FSTL4: variants seen among roughly 807,000 people sequenced by gnomAD.
FSTL4 encodes follistatin-related protein 4.
FSTL4 carries 28 observed loss-of-function variants against 78.2 expected under a neutral mutation model. That is an observed-to-expected ratio of 0.36 (90% CI 0.27 to 0.49). The LOEUF is 0.49. FSTL4 is among the 20% of genes least tolerant of loss of function. The pLI is 0.98. For synonymous variants in FSTL4, 422 were observed against 440.5 expected, an observed-to-expected ratio of 0.96 and a Z score of 0.53; for missense variants, 922 against 1,084.9, an observed-to-expected ratio of 0.85 and a Z score of 2.11.
intron 3 of FSTL4, among the ~76,000 whole-genome samples, chr5:133,431,007 G>A (rs1287539929): frequency 6.6e-6 from 1 of 152,132 alleles, no homozygotes; most frequent in Non-Finnish European, 1.5e-5. Flanking sequence ...GACTTTTGAT[G>A]GAAAAAACAG....
chr5:133,638,706 T>C, the FSTL4 span, among the ~76,000 whole-genome samples: 1 of 152,212 alleles, frequency 6.6e-6, no homozygotes, highest in African/African-American at 2.4e-5. Context: ...CAGCATACTC[T>C]ATATTTTGCT....
chr5:133,205,383 T>TTG (rs1750464259), intron 14 of FSTL4, among the ~76,000 whole-genome samples: 1 of 60,136 alleles, frequency 1.7e-5, no homozygotes, highest in Non-Finnish European at 4.0e-5. Flanking sequence ...GTCTTTTTCT[T>TTG]TGCGTGTGTG....
intron 3 of FSTL4, among the ~76,000 whole-genome samples, chr5:133,533,214 G>A (rs570571221): frequency 5.3e-5 from 8 of 152,134 alleles, no homozygotes; most frequent in Non-Finnish European, 1.2e-4. Flanking sequence ...CCAGAAGTGA[G>A]ATAATAAGTT....
chr5:133,255,218 C>A (rs867017277), intron 6 of FSTL4, among the ~76,000 whole-genome samples: 10 of 152,324 alleles, frequency 6.6e-5, no homozygotes, highest in Admixed American at 2.6e-4. Context: ...TGTCTACACA[C>A]TGAGGCTGGT....
At chr5:133,249,133 C>T (rs1228337685) in intron 7 of FSTL4, among the ~76,000 whole-genome samples, 3 of 152,226 alleles carry the variant, frequency 2.0e-5, no homozygotes, top group Non-Finnish European at 4.4e-5. Flanking sequence ...ACCTCCAGGC[C>T]TTTGCTAATG....
At chr5:133,674,095 T>C in the FSTL4 span, among the ~76,000 whole-genome samples, 1 of 152,188 alleles carries the variant, frequency 6.6e-6, no homozygotes, top group Non-Finnish European at 1.5e-5. Context: ...GTTGGGGGCC[T>C]GCACGGGGGC....
At chr5:133,695,959 C>T in the FSTL4 span, among the ~76,000 whole-genome samples, 1 of 152,252 alleles carries the variant, frequency 6.6e-6, no homozygotes, top group Admixed American at 6.5e-5. Flanking sequence ...CCACCTCCCT[C>T]ATTCCTTCTG....
intron 2 of FSTL4, among the ~76,000 whole-genome samples, chr5:133,585,193 A>C (rs1760506952): frequency 1.4e-5 from 1 of 72,082 alleles, no homozygotes; most frequent in Non-Finnish European, 2.9e-5. Flanking sequence ...AAATGTAAAG[A>C]CCATCGAGAC....
intron 8 of FSTL4, among the ~76,000 whole-genome samples, chr5:133,230,013 G>A (rs1273375727): frequency 1.3e-5 from 2 of 152,184 alleles, no homozygotes; most frequent in Non-Finnish European, 2.9e-5. Context: ...CTTCACCCAG[G>A]AAGTGCTTCC....
chr5:133,299,282 C>T (rs1228286324), intron 6 of FSTL4, among the ~76,000 whole-genome samples: 7 of 152,214 alleles, frequency 4.6e-5, no homozygotes, highest in Non-Finnish European at 8.8e-5. Flanking sequence ...GAAGGGCCTA[C>T]ATGGCCAGAT....
intron 3 of FSTL4, among the ~76,000 whole-genome samples, chr5:133,510,550 C>G (rs1442171554): frequency 6.6e-6 from 1 of 152,124 alleles, no homozygotes; most frequent in Non-Finnish European, 1.5e-5. Context: ...TCCCTGAGAA[C>G]AGACCATGCA....
chr5:133,438,698 C>T (rs894777662), intron 3 of FSTL4, among the ~76,000 whole-genome samples: 1 of 152,166 alleles, frequency 6.6e-6, no homozygotes, highest in Non-Finnish European at 1.5e-5. Context: ...ATCCGGATTG[C>T]CCTGACAATG....
intron 3 of FSTL4, among the ~76,000 whole-genome samples, chr5:133,444,635 C>G (rs115062827): frequency 0.012 from 1,860 of 152,372 alleles, 25 homozygotes; most frequent in Non-Finnish European, 0.018. Flanking sequence ...GGCTTCCCCT[C>G]TCTGAGCCCA....
At chr5:133,309,426 C>T (rs1418708315) in intron 6 of FSTL4, among the ~76,000 whole-genome samples, 1 of 152,198 alleles carries the variant, frequency 6.6e-6, no homozygotes, top group African/African-American at 2.4e-5. Flanking sequence ...CAATTGGGAG[C>T]CTTGGCTCCA....
chr5:133,725,692 A>G, the FSTL4 span, among the ~76,000 whole-genome samples: 1 of 152,194 alleles, frequency 6.6e-6, no homozygotes, highest in Non-Finnish European at 1.5e-5. Flanking sequence ...CTCTACACCA[A>G]TATAAGGGGT....
chr5:133,835,785 ACT>A, the FSTL4 span, among the ~76,000 whole-genome samples: 2 of 152,136 alleles, frequency 1.3e-5, no homozygotes, highest in Non-Finnish European at 2.9e-5. Context: ...AGTTGGGAAA[ACT>A]CTATTAACTT....
chr5:133,319,259 G>A (rs912174215), intron 4 of FSTL4, among the ~76,000 whole-genome samples: 1 of 152,186 alleles, frequency 6.6e-6, no homozygotes, highest in African/African-American at 2.4e-5. Flanking sequence ...GAAAGGGGTG[G>A]GCCCTCCAGG....
the FSTL4 span, among the ~76,000 whole-genome samples, chr5:133,834,308 G>GT: frequency 2.6e-5 from 4 of 151,936 alleles, no homozygotes; most frequent in East Asian, 3.9e-4. Context: ...TACATCTACT[G>GT]TTTTTTTCAA....
intron 3 of FSTL4, among the ~76,000 whole-genome samples, chr5:133,450,329 C>T (rs13436430): frequency 1.3e-5 from 2 of 152,174 alleles, no homozygotes; most frequent in African/African-American, 4.8e-5. Context: ...GAGGGTGAAC[C>T]TACTGAGCCC....
Sources: gnomAD v4.1 joint callset for allele counts (sites outside exome capture counted in the v4.1 genomes callset) on GRCh38, gnomAD v4.1.1 for gene constraint, MANE v1.5 for transcripts, NCBI Gene and HGNC (gene_info 2026-07-23, HGNC 2026-07-21) for gene names.